SLC35F1: variants seen among roughly 807,000 people sequenced by gnomAD.
SLC35F1 encodes the protein chromosome 6 open reading frame 169.
In SLC35F1, 14 loss-of-function variants were observed where a neutral mutation model predicts 48.7. That is an observed-to-expected ratio of 0.29 (90% CI 0.19 to 0.45). The LOEUF is 0.45. Among genes scored for constraint, SLC35F1 ranks in the 20% least tolerant of loss-of-function variants. The probability of loss-of-function intolerance (pLI) is 1.00; values close to 1 mark genes in which losing one functional copy is unlikely to be tolerated. For missense variants in SLC35F1, 404 were observed against 500.0 expected (o/e 0.81, Z 1.83); for synonymous variants, 190 against 202.2 (o/e 0.94, Z 0.51).
At chr6:118,116,370 T>C (rs983330205) in intron 1 of SLC35F1, among the ~76,000 whole-genome samples, 8 of 152,190 alleles carry the variant, frequency 5.3e-5, no homozygotes, top group Admixed American at 3.9e-4. Context: ...AAAGTTTCCA[T>C]GGGCACACAG....
chr6:118,072,094 G>A (rs1398293625), intron 1 of SLC35F1, among the ~76,000 whole-genome samples: 3 of 152,082 alleles, frequency 2.0e-5, no homozygotes, highest in Non-Finnish European at 4.4e-5. Flanking sequence ...ATTACCTTTT[G>A]CATTTTACAT....
In SLC35F1 at chr6:118,185,053, A is replaced by AGGTATACTT. The variant is rs553051578; in HGVS notation, c.349+30434_349+30442dup. Among the ~76,000 whole-genome samples the AGGTATACTT allele has an allele frequency of 3.5e-4, 54 of 152,268 alleles. 1 individual carries two copies. In the East Asian group the frequency reaches 0.01, roughly 29 times the overall value. On this transcript the variant is annotated intron_variant, in intron 2 of 7. Coordinates refer to ENST00000360388, the MANE Select transcript of SLC35F1 (RefSeq NM_001029858.4). Reference sequence around the variant, plus strand: ...GCTCCTGATGCCACACTTGAAGCACAGGTATACTTTTTTTAAAGCTGCCAA... The same window carrying AGGTATACTT: ...GCTCCTGATGCCACACTTGAAGCACAGGTATACTTGGTATACTTTTTTTAAAGCTGCCAA...
rs185605990 is a variant in SLC35F1, at chr6:118,269,567, A to C, written c.637+2413A>C. Among the ~76,000 whole-genome samples, 1,326 of 152,276 alleles carry C rather than the reference A, an allele frequency of 8.7e-3. 6 individuals carry two copies. Among genetic ancestry groups the C allele is most frequent in the South Asian group, 0.012 (60 of 4,828 alleles). ...AACATATTTTTTTAAAGAAAAAAAAACCCACTGGTTTTGAGGTCAATAGAA... is the reference window on the plus strand; with the variant it reads ...AACATATTTTTTTAAAGAAAAAAAACCCCACTGGTTTTGAGGTCAATAGAA... On this transcript the variant is annotated intron_variant, in intron 4 of 7. Coordinates refer to ENST00000360388, the MANE Select transcript of SLC35F1 (RefSeq NM_001029858.4).
chr6:117,931,823 G>C (rs754189909), intron 1 of SLC35F1, among the ~76,000 whole-genome samples: 10 of 152,232 alleles, frequency 6.6e-5, no homozygotes, highest in Non-Finnish European at 1.3e-4. Flanking sequence ...ATTATTGCTA[G>C]TGGTTTTTGA....
At chr6:118,121,897 C>T (rs1288118817) in intron 1 of SLC35F1, among the ~76,000 whole-genome samples, 1 of 152,096 alleles carries the variant, frequency 6.6e-6, no homozygotes, top group Non-Finnish European at 1.5e-5. Context: ...TTGGGGATTT[C>T]AGAATGAACT....
intron 2 of SLC35F1, among the ~76,000 whole-genome samples, chr6:118,231,572 G>T (rs1279795548): frequency 2.0e-5 from 3 of 152,180 alleles, no homozygotes; most frequent in African/African-American, 7.2e-5. Context: ...TTGCCCTCCT[G>T]AATAATTCTG....
chr6:117,941,432 G>A (rs1776231193), intron 1 of SLC35F1, among the ~76,000 whole-genome samples: 1 of 152,096 alleles, frequency 6.6e-6, no homozygotes, highest in South Asian at 2.1e-4. Context: ...TACTGAATAG[G>A]GGTCACATCT....
intron 7 of SLC35F1, among the ~76,000 whole-genome samples, chr6:118,287,218 C>T (rs545254523): frequency 6.6e-6 from 1 of 152,276 alleles, no homozygotes; most frequent in Admixed American, 6.5e-5. Context: ...CTCACACACC[C>T]AGTCATTTTC....
rs148040891 is a variant in SLC35F1 at position 117,979,319 on chromosome 6, C to T, written c.173+71420C>T. Among the ~76,000 whole-genome samples, 26 of 152,256 alleles carry T rather than the reference C, an allele frequency of 1.7e-4. No individual in the cohort carries two copies. In the South Asian group the frequency reaches 2.1e-3, roughly 12 times the overall value. ...TACAGTCCATAATATCACAACCCTC[C>T]GTTACCCCATTGGAAGATTTTCTTA... is the stretch of plus-strand genomic sequence containing the variant. On this transcript the variant is annotated intron_variant, in intron 1 of 7. Transcript: ENST00000360388.
At chr6:118,052,854 T>C (rs957301826) in intron 1 of SLC35F1, among the ~76,000 whole-genome samples, 37 of 152,300 alleles carry the variant, frequency 2.4e-4, no homozygotes, top group African/African-American at 8.4e-4. Flanking sequence ...GTAGTTTCTT[T>C]CCCTATTGTG....
intron 7 of SLC35F1, among the ~76,000 whole-genome samples, chr6:118,286,137 ACC>A (rs1260885195): frequency 1.3e-5 from 2 of 152,152 alleles, no homozygotes; most frequent in Non-Finnish European, 1.5e-5. Flanking sequence ...AGGGACTATG[ACC>A]CAGTGTGAAA....
At chr6:117,933,915 T>C (rs1409894731) in intron 1 of SLC35F1, among the ~76,000 whole-genome samples, 1 of 151,946 alleles carries the variant, frequency 6.6e-6, no homozygotes, top group East Asian at 1.9e-4. Context: ...TCCCGACCTA[T>C]GTTTTGTTTC....
At chr6:118,058,927 T>G (rs533039367) in intron 1 of SLC35F1, among the ~76,000 whole-genome samples, 1 of 152,332 alleles carries the variant, frequency 6.6e-6, no homozygotes, top group East Asian at 1.9e-4. Flanking sequence ...ACTGAAATTT[T>G]TTGTGGGGCT....
intron 2 of SLC35F1, among the ~76,000 whole-genome samples, chr6:118,196,467 G>A (rs1774801766): frequency 6.6e-6 from 1 of 152,128 alleles, no homozygotes; most frequent in Admixed American, 6.6e-5. Flanking sequence ...TGTAATCCTA[G>A]CACTTTGGGA....
intron 1 of SLC35F1, among the ~76,000 whole-genome samples, chr6:117,963,778 C>T (rs1416642903): frequency 6.6e-6 from 1 of 152,110 alleles, no homozygotes; most frequent in Non-Finnish European, 1.5e-5. Context: ...TTGCTTGTTT[C>T]CCCACCACTT....
chr6:118,044,315 T>C (rs1772269296), intron 1 of SLC35F1, among the ~76,000 whole-genome samples: 1 of 152,200 alleles, frequency 6.6e-6, no homozygotes, highest in Non-Finnish European at 1.5e-5. Flanking sequence ...TGCAACCCTA[T>C]CCCTGTCTGC....
At chr6:118,238,687 T>C (rs1320300105) in intron 3 of SLC35F1, among the ~76,000 whole-genome samples, 3 of 152,118 alleles carry the variant, frequency 2.0e-5, no homozygotes, top group Non-Finnish European at 4.4e-5. Flanking sequence ...TTCCTTCATG[T>C]CCAATGAGAG....
chr6:117,907,596 G>A lies in SLC35F1; in HGVS notation c.-131G>A. 1 of 469,098 alleles carries A rather than the reference G, an allele frequency of 2.1e-6. No individual in the cohort carries two copies. The highest frequency in any genetic ancestry group is 3.5e-6 in the Non-Finnish European group (1 of 281,782). The allele number at this position is 469,098 out of a possible 1,614,324, so 29.1% of individuals were successfully genotyped here. A position where few individuals can be genotyped will look rare whatever the true frequency, so the allele number is the denominator to read the frequency against. The stretch of plus-strand genomic sequence containing the variant: ...GCCGCGGGTGCCTCCCCGCCTCACC[G>A]CTTCGCAGGCAGCACCGCCTCCCGG... On this transcript the variant is annotated 5_prime_UTR_variant, in exon 1 of 8. Transcript: ENST00000360388.
At chr6:117,923,724 T>TGTACATGTGCACATATAC (rs1775964314) in intron 1 of SLC35F1, among the ~76,000 whole-genome samples, 1 of 107,788 alleles carries the variant, frequency 9.3e-6, no homozygotes, top group African/African-American at 4.2e-5. Flanking sequence ...TATACATATA[T>TGTACATGTGCACATATAC]ACATATGTAT....
Sources: allele counts gnomAD v4.1 joint callset (sites outside exome capture counted in the v4.1 genomes callset), GRCh38; gene constraint gnomAD v4.1.1; transcripts MANE v1.5; gene names NCBI Gene and HGNC (gene_info 2026-07-23, HGNC 2026-07-21).